FILIP1L: variants seen among roughly 807,000 people sequenced by gnomAD.
FILIP1L encodes the protein filamin A interacting protein 1 like, also known as filamin A-interacting protein 1-like.
A neutral mutation model predicts 96.6 loss-of-function variants in FILIP1L; 55 were observed. The observed-to-expected ratio is 0.57, with a 90% CI of 0.46 to 0.71. FILIP1L has a LOEUF of 0.71. FILIP1L is among the 30% of genes least tolerant of loss of function. The pLI, the probability that FILIP1L is intolerant of heterozygous loss-of-function variation, is 0.00. For missense variants in FILIP1L, 1,304 were observed against 1,321.2 expected, an observed-to-expected ratio of 0.99 and a Z score of 0.20; for synonymous variants, 467 against 473.9, an observed-to-expected ratio of 0.99 and a Z score of 0.19.
At chr3:100,024,954 A>G (rs1351283656) in intron 1 of FILIP1L, among the ~76,000 whole-genome samples, 2 of 152,196 alleles carry the variant, frequency 1.3e-5, no homozygotes, top group Non-Finnish European at 2.9e-5. Context: ...CTGCTGCCAA[A>G]GGTAAAAAAT....
intron 1 of FILIP1L, among the ~76,000 whole-genome samples, chr3:100,009,009 A>G (rs998328801): frequency 5.3e-5 from 8 of 152,258 alleles, no homozygotes; most frequent in Admixed American, 2.0e-4. Context: ...TTTAGCCTCA[A>G]CATCCACCCA....
intron 1 of FILIP1L, among the ~76,000 whole-genome samples, chr3:99,944,402 G>C (rs1300017202): frequency 6.6e-6 from 1 of 152,086 alleles, no homozygotes; most frequent in Admixed American, 6.5e-5. Flanking sequence ...ATTCAGAGGG[G>C]GATACTCACC....
intron 4 of FILIP1L, among the ~76,000 whole-genome samples, chr3:99,897,278 G>A (rs953200633): frequency 9.2e-5 from 14 of 151,898 alleles, no homozygotes; most frequent in Non-Finnish European, 7.4e-5. Context: ...AGAATCGCTC[G>A]AACCCAGGAG....
intron 1 of FILIP1L, among the ~76,000 whole-genome samples, chr3:100,101,663 A>C (rs2066307410): frequency 6.6e-6 from 1 of 152,082 alleles, no homozygotes; most frequent in Non-Finnish European, 1.5e-5. Context: ...GTACATGTGC[A>C]CAATGTGCAG....
intron 4 of FILIP1L, among the ~76,000 whole-genome samples, chr3:99,917,914 G>A (rs928899839): frequency 6.6e-6 from 1 of 152,088 alleles, no homozygotes; most frequent in African/African-American, 2.4e-5. Context: ...AAATTTTTAG[G>A]TGTGAAAGAG....
At chr3:100,090,905 A>G (rs537207793) in intron 1 of FILIP1L, among the ~76,000 whole-genome samples, 16 of 152,282 alleles carry the variant, frequency 1.1e-4, no homozygotes, top group Admixed American at 8.5e-4. Flanking sequence ...GAAAACTTGA[A>G]ATGAGTGCAG....
intron 1 of FILIP1L, among the ~76,000 whole-genome samples, chr3:100,036,340 T>G (rs952051603): frequency 6.6e-6 from 1 of 152,172 alleles, no homozygotes; most frequent in African/African-American, 2.4e-5. Context: ...GGAACATCTT[T>G]TCATGCCACG....
intron 1 of FILIP1L, among the ~76,000 whole-genome samples, chr3:100,007,774 T>C (rs970146512): frequency 6.6e-6 from 1 of 152,130 alleles, no homozygotes; most frequent in Admixed American, 6.5e-5. Context: ...ATAGTACTGA[T>C]AGAAAAAATA....
intron 1 of FILIP1L, among the ~76,000 whole-genome samples, chr3:100,078,267 C>T (rs929016712): frequency 6.6e-6 from 1 of 152,016 alleles, no homozygotes; most frequent in Non-Finnish European, 1.5e-5. Flanking sequence ...AATAAAACAC[C>T]CTCTAGAAAT....
intron 5 of FILIP1L, among the ~76,000 whole-genome samples, chr3:99,844,258 C>G (rs1030387407): frequency 6.6e-6 from 1 of 152,120 alleles, no homozygotes; most frequent in Non-Finnish European, 1.5e-5. Flanking sequence ...GGCCCTACGC[C>G]CCCAGAGGTT....
intron 1 of FILIP1L, among the ~76,000 whole-genome samples, chr3:100,020,760 C>CTTTTTTTTTTTT (rs34665880): frequency 2.8e-5 from 2 of 70,996 alleles, no homozygotes; most frequent in South Asian, 6.8e-4. Context: ...GAATAATTAG[C>CTTTTTTTTTTTT]TTTTTTTTTT....
chr3:100,048,279 A>G (rs768239968), intron 1 of FILIP1L, among the ~76,000 whole-genome samples: 2 of 152,238 alleles, frequency 1.3e-5, no homozygotes, highest in Non-Finnish European at 2.9e-5. Flanking sequence ...TCACTTGTTT[A>G]TCCCTTAATT....
chr3:99,960,330 G>A (rs1708454075), intron 1 of FILIP1L, among the ~76,000 whole-genome samples: 1 of 152,056 alleles, frequency 6.6e-6, no homozygotes, highest in Non-Finnish European at 1.5e-5. Context: ...GAAAACGAGG[G>A]CTCCAAAAAG....
rs571149604 is a variant in FILIP1L at position 99,908,947 on chromosome 3, A to G, written c.605+15283T>C. ...AGGGATTTAGTTAAAATTCTGTGTG[A>G]GATTACTCTGACCCCATTTACTCTT... On this transcript the variant is annotated intron_variant, in intron 4 of 5. Transcript: ENST00000477258. 2.0e-5 allele frequency among the ~76,000 whole-genome samples: 3 copies of G among 152,256 alleles called. No individual in the cohort carries two copies. In the East Asian group the frequency reaches 5.8e-4, roughly 29 times the overall value.
At chr3:99,889,469 G>A (rs1237044958) in intron 4 of FILIP1L, among the ~76,000 whole-genome samples, 2 of 151,728 alleles carry the variant, frequency 1.3e-5, no homozygotes, top group African/African-American at 2.4e-5. Context: ...TTATGTTCTG[G>A]TGAGTCTCAT....
chr3:100,051,938 G>T (rs2065381530), intron 1 of FILIP1L, among the ~76,000 whole-genome samples: 1 of 148,328 alleles, frequency 6.7e-6, no homozygotes. Flanking sequence ...TTTATAATAT[G>T]AAGTATATTA....
intron 1 of FILIP1L, among the ~76,000 whole-genome samples, chr3:100,046,376 G>A (rs1290998919): frequency 6.6e-6 from 1 of 151,814 alleles, no homozygotes; most frequent in Non-Finnish European, 1.5e-5. Context: ...GTAGTTAAAA[G>A]TATCAGGTTG....
chr3:99,994,015 G>A (rs1709600736), intron 1 of FILIP1L, among the ~76,000 whole-genome samples: 1 of 152,078 alleles, frequency 6.6e-6, no homozygotes, highest in African/African-American at 2.4e-5. Context: ...CTTCCATCTT[G>A]ATTTTTTGGA....
intron 1 of FILIP1L, among the ~76,000 whole-genome samples, chr3:100,111,431 G>A (rs1176649304): frequency 4.6e-5 from 7 of 152,168 alleles, no homozygotes; most frequent in Non-Finnish European, 1.0e-4. Flanking sequence ...TCTATCTGCT[G>A]AACAGGGAAT....
Sources: gnomAD v4.1 joint callset for allele counts (sites outside exome capture counted in the v4.1 genomes callset) on GRCh38, gnomAD v4.1.1 for gene constraint, MANE v1.5 for transcripts, NCBI Gene and HGNC (gene_info 2026-07-23, HGNC 2026-07-21) for gene names.